The following CNTN6 variants were observed in gnomAD, a reference collection of about 807,000 sequenced individuals.
The protein encoded by CNTN6 is contactin-6.
CNTN6 carries 137 observed loss-of-function variants against 122.8 expected under a neutral mutation model. That is an observed-to-expected ratio of 1.12 (90% CI 0.97 to 1.29). The LOEUF is 1.29. Ranked by LOEUF, CNTN6 falls within the 50% of genes most tolerant of loss-of-function variation. The probability of loss-of-function intolerance (pLI) is 0.00; values close to 1 mark genes in which losing one functional copy is unlikely to be tolerated. For synonymous variants in CNTN6, 570 were observed against 426.0 expected, an observed-to-expected ratio of 1.34 and a Z score of -4.16; for missense variants, 1,634 against 1,223.4, an observed-to-expected ratio of 1.34 and a Z score of -5.01.
intron 1 of CNTN6, among the ~76,000 whole-genome samples, chr3:1,105,777 A>G (rs1043939583): frequency 3.9e-5 from 6 of 152,088 alleles, no homozygotes; most frequent in African/African-American, 1.2e-4. Context: ...GGCACCTAGC[A>G]TTGTCTGGCC....
chr3:1,250,425 C>G (rs1477831469), intron 4 of CNTN6, among the ~76,000 whole-genome samples: 1 of 152,112 alleles, frequency 6.6e-6, no homozygotes, highest in African/African-American at 2.4e-5. Flanking sequence ...ATAAAATTGT[C>G]CTCCCCTGAG....
chr3:1,392,809 C>T (rs1694367045), intron 20 of CNTN6, among the ~76,000 whole-genome samples: 1 of 137,790 alleles, frequency 7.3e-6, no homozygotes, highest in Non-Finnish European at 1.6e-5. Context: ...TGAAAAAATG[C>T]TCATCATCAC....
At chr3:1,240,857 T>C (rs1703140) in intron 4 of CNTN6, among the ~76,000 whole-genome samples, 3 of 152,090 alleles carry the variant, frequency 2.0e-5, no homozygotes, top group African/African-American at 4.8e-5. Context: ...GGGCTGAGTC[T>C]GAAAAGAGAG....
chr3:1,167,027 T>C (rs1167959761), intron 2 of CNTN6, among the ~76,000 whole-genome samples: 2 of 149,196 alleles, frequency 1.3e-5, no homozygotes, highest in Admixed American at 1.3e-4. Context: ...GTTCTGCACA[T>C]GTATCCCAGA....
At chr3:1,160,072 G>A (rs2093088631) in intron 2 of CNTN6, among the ~76,000 whole-genome samples, 1 of 151,978 alleles carries the variant, frequency 6.6e-6, no homozygotes, top group African/African-American at 2.4e-5. Flanking sequence ...ATCTGCCTTA[G>A]CCTCCCAAAG....
At position 1,252,750 on chromosome 3, in the gene CNTN6, G is replaced by C. The variant is rs182364349; in HGVS notation, c.358+24757G>C. Among the ~76,000 whole-genome samples the C allele has an allele frequency of 3.1e-3, 472 of 152,146 alleles. 1 individual carries two copies. The highest frequency in any genetic ancestry group is 0.011 in the African/African-American group (446 of 41,546). On this transcript the variant is annotated intron_variant, in intron 4 of 22. Coordinates refer to ENST00000446702, the MANE Select transcript of CNTN6 (RefSeq NM_001289080.2). ...GCTTTTGTGGATACCACACTCAAGG[G>C]GAAAGACAGGCTTATTCTCGAAGCA... is the stretch of plus-strand genomic sequence containing the variant.
chr3:1,274,087 T>A (rs1416353635), intron 4 of CNTN6, among the ~76,000 whole-genome samples: 1 of 152,168 alleles, frequency 6.6e-6, no homozygotes, highest in African/African-American at 2.4e-5. Context: ...TCAAAAACAA[T>A]AGTAAGAAAA....
chr3:1,151,071 T>C (rs1048750989), intron 2 of CNTN6, among the ~76,000 whole-genome samples: 1 of 152,172 alleles, frequency 6.6e-6, no homozygotes, highest in Non-Finnish European at 1.5e-5. Flanking sequence ...TTCAGCCCCG[T>C]GAATCCCATT....
chr3:1,320,758 C>CT (rs879709169), intron 7 of CNTN6, among the ~76,000 whole-genome samples: 1 of 151,602 alleles, frequency 6.6e-6, no homozygotes, highest in Admixed American at 6.6e-5. Flanking sequence ...TGGAACTTTG[C>CT]TTGCAGCCTG....
chr3:1,226,090 G>C (rs559632873), intron 3 of CNTN6, among the ~76,000 whole-genome samples: 1 of 152,142 alleles, frequency 6.6e-6, no homozygotes, highest in East Asian at 1.9e-4. Flanking sequence ...TGTTGCCCAG[G>C]CTCGTCTCAA....
intron 20 of CNTN6, among the ~76,000 whole-genome samples, chr3:1,393,555 T>TAAAA (rs572632140): frequency 1.9e-5 from 2 of 107,916 alleles, no homozygotes; most frequent in Non-Finnish European, 4.0e-5. Flanking sequence ...CTTAAAGAAG[T>TAAAA]AAAAAAAAAA....
At chr3:1,150,506 C>G (rs1250612233) in intron 2 of CNTN6, among the ~76,000 whole-genome samples, 1 of 152,106 alleles carries the variant, frequency 6.6e-6, no homozygotes, top group South Asian at 2.1e-4. Flanking sequence ...CCTCATAGGC[C>G]TTTACAATGA....
intron 4 of CNTN6, among the ~76,000 whole-genome samples, chr3:1,228,641 G>A (rs1005948139): frequency 2.0e-5 from 3 of 152,154 alleles, no homozygotes; most frequent in Non-Finnish European, 2.9e-5. Flanking sequence ...CCTTGCTTGA[G>A]AGTAATTATA....
intron 7 of CNTN6, among the ~76,000 whole-genome samples, chr3:1,311,413 G>A (rs1253498333): frequency 6.9e-4 from 50 of 72,860 alleles, no homozygotes; most frequent in African/African-American, 2.9e-3. Flanking sequence ...CATATAAAAT[G>A]TCTTTATATG....
At chr3:1,386,735 C>CAAAT (rs1313190088) in intron 20 of CNTN6, among the ~76,000 whole-genome samples, 1 of 152,010 alleles carries the variant, frequency 6.6e-6, no homozygotes, top group Non-Finnish European at 1.5e-5. Flanking sequence ...TGAAAGATAA[C>CAAAT]AAATATAGTT....
At chr3:1,166,093 C>T (rs185766510) in intron 2 of CNTN6, among the ~76,000 whole-genome samples, 14 of 152,256 alleles carry the variant, frequency 9.2e-5, no homozygotes, top group East Asian at 7.7e-4. Context: ...TTTCTCAGTG[C>T]GTTGCTTGGA....
chr3:1,324,796 C>T (rs1701309298), intron 8 of CNTN6, among the ~76,000 whole-genome samples: 1 of 149,654 alleles, frequency 6.7e-6, no homozygotes, highest in South Asian at 2.1e-4. Flanking sequence ...AAGCCCTTTA[C>T]TTAGGTTCTG....
chr3:1,158,996 G>A (rs1575065053), intron 2 of CNTN6, among the ~76,000 whole-genome samples: 1 of 139,462 alleles, frequency 7.2e-6, no homozygotes, highest in Non-Finnish European at 1.5e-5. Flanking sequence ...ACAAGGTCTT[G>A]CTAATTCTTA....
intron 4 of CNTN6, among the ~76,000 whole-genome samples, chr3:1,257,090 CTTG>C (rs1234913359): frequency 2.6e-5 from 4 of 152,044 alleles, no homozygotes; most frequent in Admixed American, 1.3e-4. Context: ...GTGACAAATT[CTTG>C]TTGTTTTCAT....
Sources: gnomAD v4.1 joint callset for allele counts (sites outside exome capture counted in the v4.1 genomes callset) on GRCh38, gnomAD v4.1.1 for gene constraint, MANE v1.5 for transcripts, NCBI Gene and HGNC (gene_info 2026-07-23, HGNC 2026-07-21) for gene names.